The following CLCN2 variants were observed in gnomAD, a reference collection of about 807,000 sequenced individuals.
CLCN2 encodes the protein chloride channel protein 2.
A neutral mutation model predicts 108.3 loss-of-function variants in CLCN2; 72 were observed. That is an observed-to-expected ratio of 0.66 (90% CI 0.55 to 0.81). CLCN2 has a LOEUF of 0.81. CLCN2 is among the 30% of genes least tolerant of loss of function. The probability of loss-of-function intolerance (pLI) is 0.00; values close to 1 mark genes in which losing one functional copy is unlikely to be tolerated. For synonymous variants in CLCN2, 471 were observed against 467.1 expected (o/e 1.01, Z -0.11); for missense variants, 1,048 against 1,205.2 (o/e 0.87, Z 1.93).
At chr3:184,351,869 T>C in intron 22 of CLCN2, 144 bp downstream of exon 22, 1 of 744,056 alleles carries the variant, frequency 1.3e-6, no homozygotes, top group Non-Finnish European at 2.5e-6. Context: ...CCAAGCAGTA[T>C]GTCTAAAAAA....
intron 9 of CLCN2, 42 bp downstream of exon 9, chr3:184,357,140 C>T (rs777824682): frequency 3.2e-5 from 52 of 1,607,942 alleles, no homozygotes; most frequent in Middle Eastern, 3.3e-4. Flanking sequence ...CTTCTAGAAA[C>T]CCCCCTCCTC....
Position 184,361,374 on chromosome 3 carries a change from G to C in CLCN2, c.63+43C>G. On this transcript the variant is annotated intron_variant, in intron 1 of 23. Coordinates refer to ENST00000265593, the MANE Select transcript of CLCN2 (RefSeq NM_004366.6). The surrounding 1 kb of genome is among the most constrained non-coding windows in gnomAD (Gnocchi z 6.6). ...GCTTCCCAGGGTAACCTGGAGCAGGGGTCCCGGAGCGCACTCCTGGGGCTC... is the reference window on the plus strand; with the variant it reads ...GCTTCCCAGGGTAACCTGGAGCAGGCGTCCCGGAGCGCACTCCTGGGGCTC... 4 of 1,597,864 alleles carry C rather than the reference G, an allele frequency of 2.5e-6. No individual in the cohort carries two copies. The highest frequency in any genetic ancestry group is 1.7e-4 in the Middle Eastern group (1 of 6,034).
Position 184,356,320 on chromosome 3 carries a change from C to T in CLCN2, c.1086-542G>A, listed in dbSNP as rs530344565. On this transcript the variant is annotated intron_variant, in intron 10 of 23. Coordinates refer to ENST00000265593, the MANE Select transcript of CLCN2 (RefSeq NM_004366.6). ...CCCACTCCCAATCCTCAGGGTCACA[C>T]TGAGAGAGCTGTGTTCTGGAGATTA... 31 of 180,474 alleles carry T rather than the reference C, an allele frequency of 1.7e-4. No individual in the cohort carries two copies. In the East Asian group the frequency reaches 3.5e-3, roughly 20 times the overall value. The allele number at this position is 180,474 out of a possible 1,614,324, so 11.2% of individuals were successfully genotyped here. A position where few individuals can be genotyped will look rare whatever the true frequency, so the allele number is the denominator to read the frequency against.
Position 184,353,354 on chromosome 3 carries a change from G to C in CLCN2, c.1924C>G (p.Pro642Ala). 1 of 1,612,732 alleles carries C rather than the reference G, an allele frequency of 6.2e-7. No homozygotes were observed. ...TGCATGTGCTGCCGCCGGCGGGCTG[G>C]GCTCAGCTGGGCCCCCAACAATGCC... ...VVALLGAQLS[P>A]ARRRQHMQER... is the part of the protein sequence containing the mutation. The change falls in exon 17 of 24, where the codon CCA (proline) becomes GCA (alanine). Residue 642 changes from proline (P) to alanine (A), a missense_variant. Pro to Ala is a conservative substitution (Grantham distance 27). Transcript: ENST00000265593.
At chr3:184,358,866 C>T in intron 2 of CLCN2, 53 bp from the exon 3 acceptor site, 2 of 1,613,486 alleles carry the variant, frequency 1.2e-6, no homozygotes, top group Non-Finnish European at 1.7e-6. Flanking sequence ...TGCTCCTACC[C>T]CTTTTACTGC....
chr3:184,356,838 T>C (rs1728589367), intron 10 of CLCN2, 155 bp downstream of exon 10: 1 of 667,592 alleles, frequency 1.5e-6, no homozygotes, highest in Non-Finnish European at 2.7e-6. Flanking sequence ...CATATGAATA[T>C]AAAAATGCTC....
At position 184,353,722 on chromosome 3, in the gene CLCN2, C is replaced by A. The variant is rs141242566; in HGVS notation, c.1795G>T (p.Asp599Tyr). Residue 599 changes from aspartate to tyrosine, a missense_variant, in exon 16 of 24, where the codon GAC becomes TAC. Transcript: ENST00000265593. ...GTCCTGTGCAGTGCCAAACGCAGGT[C>A]CCGGAAGGTGCAGCTGAGGGCCACA... is the stretch of plus-strand genomic sequence containing the variant. ...PHVALSCTFR[D>Y]LRLALHRTKG... 5 of 1,609,662 alleles carry A rather than the reference C, an allele frequency of 3.1e-6. No homozygotes were observed. Among genetic ancestry groups the A allele is most frequent in the Non-Finnish European group, 4.2e-6 (5 of 1,178,434 alleles).
In CLCN2 at chr3:184,354,169, G is replaced by A. The variant is rs756612780; in HGVS notation, c.1653C>T (p.Ser551=). ...TGATTCGGATGATGCTGTCATAGAG[G>A]GAGGGCTGCAGACTCTGGGCGACAG... ...ANAVAQSLQP[S]LYDSIIRIKK... is the part of the protein sequence containing the mutation. The change falls in exon 15 of 24, where the codon TCC becomes TCT. Residue 551 remains serine, a synonymous_variant. Coordinates refer to ENST00000265593, the MANE Select transcript of CLCN2 (RefSeq NM_004366.6). The A allele has an allele frequency of 1.9e-6, 3 of 1,613,258 alleles. No individual in the cohort carries two copies. Among genetic ancestry groups the A allele is most frequent in the South Asian group, 2.2e-5 (2 of 91,044 alleles).
rs749282633 is a variant in CLCN2, at chr3:184,358,828, G to A, written c.221-15C>T. Reference sequence around the variant, plus strand: ...GACAGAACAGACTGGGTGCAGGGAAGGGAAGAAGGGGGAGGATGGCACCAA... The same window carrying A: ...GACAGAACAGACTGGGTGCAGGGAAAGGAAGAAGGGGGAGGATGGCACCAA... On this transcript the variant is annotated splice_polypyrimidine_tract_variant and intron_variant, in intron 2 of 23. Coordinates refer to ENST00000265593, the MANE Select transcript of CLCN2 (RefSeq NM_004366.6). 1 of 1,613,970 alleles carries A rather than the reference G, an allele frequency of 6.2e-7. No homozygotes were observed. The highest frequency in any genetic ancestry group is 1.7e-5 in the Admixed American group (1 of 59,998).
intron 7 of CLCN2, 66 bp from the exon 8 acceptor site, chr3:184,357,553 G>C: frequency 6.2e-7 from 1 of 1,614,004 alleles, no homozygotes; most frequent in African/African-American, 1.3e-5. Context: ...ACCCAGATAA[G>C]AGGGGCCAAG....
In CLCN2 at chr3:184,346,980, A is replaced by G. The variant is rs769572699; in HGVS notation, c.2457T>C (p.Tyr819=). ...CAATGAGTCTGCCAATACTGGTGAC[A>G]TAAGCATGGTCCACTCCCAGCAGTG... is the stretch of plus-strand genomic sequence containing the variant. ...IFSLLGVDHA[Y]VTSIGRLIGI... Residue 819 remains tyrosine, a synonymous_variant, in exon 23 of 24, where the codon TAT becomes TAC. Transcript: ENST00000265593. This position sits in a 1 kb window ranked among gnomAD's most constrained non-coding sequence, Gnocchi z 6.0. 6.2e-7 allele frequency: 1 copy of G among 1,614,176 alleles called. No homozygotes were observed. Among genetic ancestry groups the G allele is most frequent in the Non-Finnish European group, 8.5e-7 (1 of 1,180,000 alleles).
intron 22 of CLCN2, chr3:184,347,482 AG>A (rs1727768005): frequency 3.3e-6 from 1 of 300,562 alleles, no homozygotes; most frequent in Non-Finnish European, 6.5e-6. Flanking sequence ...GTGGCTGTGC[AG>A]CCCCAGTCAC....
At chr3:184,351,295 T>G (rs1424341504) in intron 22 of CLCN2, among the ~76,000 whole-genome samples, 1 of 152,096 alleles carries the variant, frequency 6.6e-6, no homozygotes, top group Non-Finnish European at 1.5e-5. Flanking sequence ...CCCCTTGGCT[T>G]CTGCTGGTCC....
chr3:184,358,569 G>A, intron 3 of CLCN2, 113 bp downstream of exon 3: 2 of 1,420,486 alleles, frequency 1.4e-6, no homozygotes, highest in South Asian at 2.5e-5. Flanking sequence ...GACTGGCTGG[G>A]GAAAGTGGTC....
chr3:184,356,239 C>G, intron 10 of CLCN2: 3 of 230,964 alleles, frequency 1.3e-5, no homozygotes, highest in Non-Finnish European at 2.6e-5. Flanking sequence ...GCAGGTTCAG[C>G]TGGCTGCCCT....
chr3:184,355,044 G>A lies in CLCN2; in HGVS notation c.1327-71C>T, dbSNP rs1428534745. ...CCAGGCAGCCCACAGCGCCACCCAG[G>A]AGAAGTCTACCTCGCTGATCAGGTG... On this transcript the variant is annotated intron_variant, in intron 12 of 23. Transcript: ENST00000265593. This position sits in a 1 kb window ranked among gnomAD's most constrained non-coding sequence, Gnocchi z 6.3. 7.0e-7 allele frequency: 1 copy of A among 1,426,424 alleles called. No individual in the cohort carries two copies. The highest frequency in any genetic ancestry group is 9.9e-7 in the Non-Finnish European group (1 of 1,011,270). The allele number at this position is 1,426,424 out of a possible 1,614,324, so 88.4% of individuals were successfully genotyped here. A position where few individuals can be genotyped will look rare whatever the true frequency, so the allele number is the denominator to read the frequency against.
chr3:184,351,012 C>A (rs542926445), intron 22 of CLCN2, among the ~76,000 whole-genome samples: 3 of 152,162 alleles, frequency 2.0e-5, no homozygotes, highest in Non-Finnish European at 4.4e-5. Flanking sequence ...AGGCCTATTA[C>A]CTTTTTTCTT....
intron 1 of CLCN2, 150 bp from the exon 2 acceptor site, chr3:184,359,281 G>T: frequency 1.0e-6 from 1 of 988,850 alleles, no homozygotes; most frequent in Non-Finnish European, 1.5e-6. Context: ...CGAGGTGTGG[G>T]AACAATGCAC....
chr3:184,360,802 A>G (rs545131633), intron 1 of CLCN2, among the ~76,000 whole-genome samples: 42 of 152,308 alleles, frequency 2.8e-4, no homozygotes, highest in African/African-American at 9.6e-4. Flanking sequence ...GATACCCCGC[A>G]TCAGCATAGA....
Sources: allele counts gnomAD v4.1 joint callset (sites outside exome capture counted in the v4.1 genomes callset), GRCh38; gene constraint gnomAD v4.1.1; non-coding constraint Gnocchi (gnomAD v3.1); transcripts MANE v1.5; gene names NCBI Gene and HGNC (gene_info 2026-07-23, HGNC 2026-07-21).